Variants in FANCI observed in about 807,000 individuals in gnomAD.
FANCI encodes the protein FA complementation group I, also known as Fanconi anemia group I protein.
Under a neutral mutation model 176.1 loss-of-function variants are expected in FANCI, and 156 were observed. The observed-to-expected ratio is 0.89, with a 90% CI of 0.78 to 1.01. FANCI has a LOEUF of 1.01. Among genes scored for constraint, FANCI ranks in the 50% least tolerant of loss-of-function variants. The probability of loss-of-function intolerance (pLI) is 0.00; values close to 1 mark genes in which losing one functional copy is unlikely to be tolerated. For synonymous variants in FANCI, 613 were observed against 541.7 expected, an observed-to-expected ratio of 1.13 and a Z score of -1.83; for missense variants, 1,678 against 1,534.1, an observed-to-expected ratio of 1.09 and a Z score of -1.57.
At chr15:89,268,810 A>T (rs1374916271) in intron 10 of FANCI, among the ~76,000 whole-genome samples, 1 of 152,144 alleles carries the variant, frequency 6.6e-6, no homozygotes, top group Non-Finnish European at 1.5e-5. Flanking sequence ...GTGGGAAAAA[A>T]GGTGAGAACT....
At chr15:89,296,429 G>GTTTTGTTTTTGT (rs761362209) in intron 24 of FANCI, among the ~76,000 whole-genome samples, 1 of 151,644 alleles carries the variant, frequency 6.6e-6, no homozygotes, top group East Asian at 1.9e-4. Flanking sequence ...TTTTTGTTTT[G>GTTTTGTTTTTGT]TTTTGTTTTT....
intron 35 of FANCI, 127 bp from the exon 36 acceptor site, chr15:89,314,485 A>AGTACAG (rs2055120880): frequency 1.3e-6 from 1 of 755,994 alleles, no homozygotes; most frequent in Admixed American, 2.0e-5. Context: ...CTGGTATACA[A>AGTACAG]CTGCATTTGA....
In FANCI at chr15:89,300,613, A is replaced by G. The variant is rs2054492170; in HGVS notation, c.2889+228A>G. Among the ~76,000 whole-genome samples, 2 of 152,252 alleles carry G rather than the reference A, an allele frequency of 1.3e-5. 1 individual carries two copies. Among genetic ancestry groups the G allele is most frequent in the South Asian group, 4.1e-4 (2 of 4,834 alleles). The stretch of plus-strand genomic sequence containing the variant: ...CCAACCTGCAATACTCATTACTTCT[A>G]AGGACCACTGTTTGAGTTGATGTAA... On this transcript the variant is annotated intron_variant, in intron 26 of 37. Coordinates refer to ENST00000310775, the MANE Select transcript of FANCI (RefSeq NM_001113378.2).
At chr15:89,251,851 A>G (rs1452008520) in intron 2 of FANCI, among the ~76,000 whole-genome samples, 1 of 152,228 alleles carries the variant, frequency 6.6e-6, no homozygotes, top group Non-Finnish European at 1.5e-5. Flanking sequence ...GTATATATCT[A>G]AATTCTAGAG....
intron 2 of FANCI, among the ~76,000 whole-genome samples, chr15:89,256,819 A>G (rs1245331666): frequency 2.6e-5 from 4 of 152,226 alleles, no homozygotes; most frequent in African/African-American, 9.6e-5. Context: ...CCTTAATCCC[A>G]AATTTTCAGC....
At chr15:89,265,997 TC>T (rs1236509410) in intron 9 of FANCI, among the ~76,000 whole-genome samples, 6 of 138,458 alleles carry the variant, frequency 4.3e-5, no homozygotes, top group South Asian at 4.8e-4. Context: ...GTTTCTTATT[TC>T]TTTTTTTTTT....
At chr15:89,262,668 C>T (rs1310749185) in intron 6 of FANCI, among the ~76,000 whole-genome samples, 2 of 152,130 alleles carry the variant, frequency 1.3e-5, no homozygotes, top group Non-Finnish European at 2.9e-5. Context: ...TCATTTTAAG[C>T]ATGTATTTGT....
At position 89,278,626 on chromosome 15, in the gene FANCI, T is replaced by C. The variant is rs568199268; in HGVS notation, c.1294-61T>C. On this transcript the variant is annotated intron_variant, in intron 13 of 37. Transcript: ENST00000310775. Reference sequence around the variant, plus strand: ...GGTTCTTCATGCTGCCTGACATGCATTGATATACTTAAAAGCTGAAGGGTC... The same window carrying C: ...GGTTCTTCATGCTGCCTGACATGCACTGATATACTTAAAAGCTGAAGGGTC... 3.5e-5 allele frequency: 43 copies of C among 1,239,962 alleles called. No individual in the cohort carries two copies. In the East Asian group the frequency reaches 3.5e-4, roughly 10 times the overall value. The allele number at this position is 1,239,962 out of a possible 1,614,324, so 76.8% of individuals were successfully genotyped here. A position where few individuals can be genotyped will look rare whatever the true frequency, so the allele number is the denominator to read the frequency against.
chr15:89,254,477 AGC>A (rs1159534290), intron 2 of FANCI, among the ~76,000 whole-genome samples: 12 of 152,324 alleles, frequency 7.9e-5, no homozygotes, highest in Middle Eastern at 3.4e-3. Flanking sequence ...GGACTATTTG[AGC>A]ATCAAAATAA....
intron 1 of FANCI, chr15:89,244,399 A>T (rs1387893189): frequency 2.0e-5 from 3 of 152,152 alleles, no homozygotes; most frequent in Admixed American, 2.0e-4. Flanking sequence ...ACGGCTTGTT[A>T]ACTGAAGAAC....
At position 89,275,083 on chromosome 15, in the gene FANCI, C is replaced by CTTTTT. The variant is rs530017776; in HGVS notation, c.1112+795_1112+799dup. On this transcript the variant is annotated intron_variant, in intron 12 of 37. Coordinates refer to ENST00000310775, the MANE Select transcript of FANCI (RefSeq NM_001113378.2). ...CCCTGTGCCTGGCTTGGCCTTTCTTCTTTTTTTTTTTTTTTTTTTTCTGAA... is the reference window on the plus strand; with the variant it reads ...CCCTGTGCCTGGCTTGGCCTTTCTTCTTTTTTTTTTTTTTTTTTTTTTTTTCTGAA... 2.6e-3 allele frequency among the ~76,000 whole-genome samples: 294 copies of CTTTTT among 114,886 alleles called. 2 individuals are homozygous for CTTTTT. Among genetic ancestry groups the CTTTTT allele is most frequent in the Non-Finnish European group, 3.7e-3 (212 of 57,316 alleles). 75.4% of individuals were successfully genotyped at this position (114,886 alleles called of 152,430 possible).
chr15:89,316,911 A>G lies in FANCI; in HGVS notation c.*452A>G, dbSNP rs2055287253. On this transcript the variant is annotated 3_prime_UTR_variant, in exon 38 of 38. Transcript: ENST00000310775. ...GAAGTGAGCAAAGGAGCTTAATGCT[A>G]AGGTCAAAAGGAGAGTGAAAGGTTG... 2.1e-6 allele frequency: 2 copies of G among 950,910 alleles called. No homozygotes were observed. The highest frequency in any genetic ancestry group is 2.4e-5 in the East Asian group (1 of 41,918). 58.9% of individuals were successfully genotyped at this position (950,910 alleles called of 1,614,324 possible). A position where few individuals can be genotyped will look rare whatever the true frequency, so the allele number is the denominator to read the frequency against.
At chr15:89,312,600 A>T (rs2055008572) in intron 34 of FANCI, among the ~76,000 whole-genome samples, 1 of 152,188 alleles carries the variant, frequency 6.6e-6, no homozygotes, top group Admixed American at 6.5e-5. Flanking sequence ...CCGGCAGATC[A>T]CCTGAGGCCA....
At chr15:89,247,764 A>G in intron 2 of FANCI, 33 bp downstream of exon 2, 1 of 1,584,926 alleles carries the variant, frequency 6.3e-7, no homozygotes, top group African/African-American at 1.3e-5. Context: ...TGCTAAAAGT[A>G]AATGTCAGGC....
intron 3 of FANCI, among the ~76,000 whole-genome samples, chr15:89,259,947 T>C (rs574006599): frequency 1.0e-3 from 158 of 152,334 alleles, no homozygotes; most frequent in Non-Finnish European, 1.9e-3. Context: ...TGAACATTTG[T>C]GTATAAATTT....
chr15:89,313,109 A>C, intron 35 of FANCI, 137 bp downstream of exon 35: 3 of 857,520 alleles, frequency 3.5e-6, no homozygotes, highest in Non-Finnish European at 5.8e-6. Context: ...TCATCTAAAA[A>C]GGCAAACTAG....
intron 1 of FANCI, chr15:89,244,313 C>T (rs2051845036): frequency 6.6e-6 from 1 of 152,384 alleles, no homozygotes; most frequent in African/African-American, 2.4e-5. Flanking sequence ...TTTCCCTTAA[C>T]CTTGCTTTGC....
intron 6 of FANCI, among the ~76,000 whole-genome samples, chr15:89,262,440 A>G (rs2052753991): frequency 6.6e-6 from 1 of 152,194 alleles, no homozygotes. Context: ...ATGTAAGTTA[A>G]GGTAGAGCCA....
In FANCI at chr15:89,290,298, T is replaced by C. The variant is rs896076590; in HGVS notation, c.1890+17T>C. The C allele has an allele frequency of 6.9e-6, 11 of 1,588,724 alleles. No homozygotes were observed. Among genetic ancestry groups the C allele is most frequent in the Non-Finnish European group, 8.6e-6 (10 of 1,157,040 alleles). ...CTCTCACAGGTAAAATACATTTTTA[T>C]GGATATATGGAAAACAGACCATCAA... On this transcript the variant is annotated intron_variant, in intron 19 of 37. Coordinates refer to ENST00000310775, the MANE Select transcript of FANCI (RefSeq NM_001113378.2).
Sources: allele counts gnomAD v4.1 joint callset (sites outside exome capture counted in the v4.1 genomes callset), GRCh38; gene constraint gnomAD v4.1.1; transcripts MANE v1.5; gene names NCBI Gene and HGNC (gene_info 2026-07-23, HGNC 2026-07-21).